ACTR3C: variants seen among roughly 807,000 people sequenced by gnomAD.
ACTR3C encodes actin-related protein 3C.
ACTR3C carries 18 observed loss-of-function variants against 26.3 expected under a neutral mutation model. The ratio of observed to expected loss-of-function variants is 0.68; its 90% CI spans 0.47 to 1.01. The LOEUF (loss-of-function observed/expected upper bound fraction) is 1.01. Ranked by LOEUF, ACTR3C falls within the 50% of genes least tolerant of loss-of-function variation. The pLI is 0.00. For synonymous variants in ACTR3C, 55 were observed against 94.5 expected (o/e 0.58, Z 2.42); for missense variants, 184 against 250.7 (o/e 0.73, Z 1.80).
chr7:150,095,260 C>A, the ACTR3C span, among the ~76,000 whole-genome samples: 1 of 149,662 alleles, frequency 6.7e-6, no homozygotes, highest in Non-Finnish European at 1.5e-5. Context: ...ACCACAAGGA[C>A]AAACCACCAA....
the ACTR3C span, among the ~76,000 whole-genome samples, chr7:150,190,459 C>T: frequency 4.1e-3 from 618 of 152,268 alleles, 4 homozygotes; most frequent in African/African-American, 0.014. Context: ...CAATGTCACA[C>T]AAATATTTTC....
At chr7:150,294,201 T>C (rs1168120809) in intron 2 of ACTR3C, among the ~76,000 whole-genome samples, 1 of 152,040 alleles carries the variant, frequency 6.6e-6, no homozygotes, top group Non-Finnish European at 1.5e-5. Context: ...TCTGACAATA[T>C]CTGGTACCAT....
At chr7:150,322,249 A>G (rs1418275377) in intron 1 of ACTR3C, among the ~76,000 whole-genome samples, 1 of 152,198 alleles carries the variant, frequency 6.6e-6, no homozygotes, top group Non-Finnish European at 1.5e-5. Context: ...TCCATCTTGA[A>G]TAAGGGCTGG....
the ACTR3C span, among the ~76,000 whole-genome samples, chr7:150,035,112 C>A: frequency 7.1e-5 from 10 of 141,682 alleles, 1 homozygote; most frequent in Admixed American, 1.4e-4. Flanking sequence ...AACCCACAGT[C>A]CTCCAGGTAG....
At chr7:150,209,095 G>A in the ACTR3C span, among the ~76,000 whole-genome samples, 21 of 151,896 alleles carry the variant, frequency 1.4e-4, no homozygotes, top group South Asian at 4.4e-3. Context: ...ATAAAACCCA[G>A]GGAAAAGAAA....
At chr7:150,291,020 G>A (rs1297409669) in intron 3 of ACTR3C, among the ~76,000 whole-genome samples, 2 of 152,042 alleles carry the variant, frequency 1.3e-5, no homozygotes, top group South Asian at 2.1e-4. Context: ...AAATTAATAC[G>A]CAAAATATAA....
At chr7:149,915,649 C>G in the ACTR3C span, among the ~76,000 whole-genome samples, 1 of 151,214 alleles carries the variant, frequency 6.6e-6, no homozygotes, top group Non-Finnish European at 1.5e-5. Context: ...GGTGCCAATA[C>G]TGAAGGTGGT....
At chr7:150,038,611 T>C in the ACTR3C span, among the ~76,000 whole-genome samples, 47 of 145,654 alleles carry the variant, frequency 3.2e-4, 8 homozygotes, top group African/African-American at 1.2e-3. Context: ...CCTGCTTTCT[T>C]TCTGTTCCCG....
chr7:150,212,561 G>T, the ACTR3C span, among the ~76,000 whole-genome samples: 2 of 149,564 alleles, frequency 1.3e-5, no homozygotes, highest in Non-Finnish European at 1.5e-5. Context: ...GTGATAAAAA[G>T]AATTTATTTA....
chr7:150,168,248 C>A, the ACTR3C span, among the ~76,000 whole-genome samples: 17 of 150,912 alleles, frequency 1.1e-4, no homozygotes, highest in Admixed American at 5.9e-4. Context: ...CCCCATTGCT[C>A]ACATTACTGC....
the ACTR3C span, among the ~76,000 whole-genome samples, chr7:150,131,751 C>T: frequency 1.3e-5 from 2 of 152,092 alleles, no homozygotes; most frequent in Admixed American, 6.5e-5. Context: ...CACAAAAGCA[C>T]GTACACAAAT....
At chr7:150,039,815 CG>C in the ACTR3C span, among the ~76,000 whole-genome samples, 54 of 107,720 alleles carry the variant, frequency 5.0e-4, no homozygotes, top group Admixed American at 2.1e-3. Flanking sequence ...CCCTGCCTCG[CG>C]GGGGGTGCCT....
chr7:150,176,675 G>T, the ACTR3C span, among the ~76,000 whole-genome samples: 2 of 150,876 alleles, frequency 1.3e-5, no homozygotes, highest in South Asian at 4.1e-4. Context: ...CAAGTTTTAG[G>T]CATTCAATAT....
the ACTR3C span, among the ~76,000 whole-genome samples, chr7:150,115,063 T>C: frequency 6.6e-6 from 1 of 152,196 alleles, no homozygotes; most frequent in African/African-American, 2.4e-5. Flanking sequence ...GTCTAGGAAA[T>C]GTAGCTTATT....
the ACTR3C span, among the ~76,000 whole-genome samples, chr7:149,905,014 G>A: frequency 2.6e-5 from 4 of 151,184 alleles, no homozygotes; most frequent in South Asian, 2.1e-4. Context: ...CAACAAGAGC[G>A]AAACTCCATC....
chr7:150,003,396 T>C, the ACTR3C span, among the ~76,000 whole-genome samples: 27 of 151,400 alleles, frequency 1.8e-4, no homozygotes, highest in African/African-American at 4.9e-4. Context: ...GTATGTATGA[T>C]GTATGGAAGA....
the ACTR3C span, among the ~76,000 whole-genome samples, chr7:150,158,804 G>A: frequency 2.0e-5 from 3 of 151,560 alleles, no homozygotes; most frequent in Non-Finnish European, 4.4e-5. Context: ...ACACACACAC[G>A]CACACACACA....
At chr7:149,926,718 C>G in the ACTR3C span, among the ~76,000 whole-genome samples, 1 of 152,144 alleles carries the variant, frequency 6.6e-6, no homozygotes, top group Admixed American at 6.6e-5. Flanking sequence ...TACATTTTCA[C>G]CGTAGTCCTG....
chr7:149,929,495 A>G, the ACTR3C span, among the ~76,000 whole-genome samples: 2 of 149,966 alleles, frequency 1.3e-5, no homozygotes, highest in Non-Finnish European at 3.0e-5. Context: ...GTTGAAGAAT[A>G]GAGTACTTAC....
Sources: allele counts gnomAD v4.1 joint callset (sites outside exome capture counted in the v4.1 genomes callset), GRCh38; gene constraint gnomAD v4.1.1; transcripts MANE v1.5; gene names NCBI Gene and HGNC (gene_info 2026-07-23, HGNC 2026-07-21).